Variants in CDH13 observed in about 807,000 individuals in gnomAD.
The protein encoded by CDH13 is cadherin-13.
In CDH13, 24 loss-of-function variants were observed where a neutral mutation model predicts 63.8. The ratio of observed to expected loss-of-function variants is 0.38; its 90% CI spans 0.27 to 0.53. The LOEUF is 0.53. Among genes scored for constraint, CDH13 ranks in the 20% least tolerant of loss-of-function variants. The pLI is 0.85. For synonymous variants in CDH13, 503 were observed against 355.3 expected (o/e 1.42, Z -4.67); for missense variants, 1,049 against 903.1 (o/e 1.16, Z -2.07).
At chr16:82,784,156 G>C (rs1038329437) in intron 1 of CDH13, among the ~76,000 whole-genome samples, 1 of 152,124 alleles carries the variant, frequency 6.6e-6, no homozygotes, top group African/African-American at 2.4e-5. Flanking sequence ...TTCTTATCCT[G>C]CTTACCCAAC....
At chr16:83,377,362 C>T (rs2091478613) in intron 6 of CDH13, among the ~76,000 whole-genome samples, 1 of 152,174 alleles carries the variant, frequency 6.6e-6, no homozygotes, top group African/African-American at 2.4e-5. Context: ...AAGCCTGGTC[C>T]ATCTCTTCCT....
At chr16:83,019,113 T>G (rs2151450870) in intron 2 of CDH13, among the ~76,000 whole-genome samples, 1 of 152,344 alleles carries the variant, frequency 6.6e-6, no homozygotes, top group African/African-American at 2.4e-5. Flanking sequence ...TACTGTAACT[T>G]TTTTACTTTA....
chr16:83,234,037 T>C (rs1186584238), intron 5 of CDH13, among the ~76,000 whole-genome samples: 1 of 152,186 alleles, frequency 6.6e-6, no homozygotes, highest in Non-Finnish European at 1.5e-5. Context: ...GCCAGCACAG[T>C]GTCCAAGGGG....
At chr16:83,713,868 C>T (rs974835883) in intron 10 of CDH13, among the ~76,000 whole-genome samples, 8 of 152,210 alleles carry the variant, frequency 5.3e-5, no homozygotes, top group Admixed American at 2.6e-4. Context: ...GACTGCCTTC[C>T]TCATTGTCAA....
At chr16:83,330,090 G>T (rs1597763774) in intron 5 of CDH13, among the ~76,000 whole-genome samples, 1 of 152,220 alleles carries the variant, frequency 6.6e-6, no homozygotes, top group African/African-American at 2.4e-5. Flanking sequence ...CCTTCAAATA[G>T]AAGAGATTCT....
At chr16:82,911,263 G>C (rs887644441) in intron 2 of CDH13, among the ~76,000 whole-genome samples, 3 of 152,166 alleles carry the variant, frequency 2.0e-5, no homozygotes, top group African/African-American at 7.2e-5. Flanking sequence ...AGAAACTTCT[G>C]CAAAAGAGTC....
intron 6 of CDH13, among the ~76,000 whole-genome samples, chr16:83,442,017 G>C (rs1050414809): frequency 1.3e-5 from 2 of 152,132 alleles, no homozygotes; most frequent in South Asian, 2.1e-4. Context: ...ATAAGAGCTG[G>C]GAGCGAGATG....
At chr16:83,394,391 G>A (rs774808115) in intron 6 of CDH13, among the ~76,000 whole-genome samples, 4 of 152,264 alleles carry the variant, frequency 2.6e-5, no homozygotes, top group African/African-American at 4.8e-5. Flanking sequence ...AGTGAGCCAC[G>A]TGGATAACTG....
chr16:83,485,119 TCA>T (rs1021811802), intron 6 of CDH13, among the ~76,000 whole-genome samples: 1 of 152,234 alleles, frequency 6.6e-6, no homozygotes, highest in African/African-American at 2.4e-5. Flanking sequence ...GCAAAATATC[TCA>T]GTGTGAGAAT....
intron 3 of CDH13, among the ~76,000 whole-genome samples, chr16:83,100,268 T>C (rs1213983967): frequency 1.3e-5 from 2 of 152,024 alleles, no homozygotes; most frequent in Non-Finnish European, 2.9e-5. Flanking sequence ...AAGTAAAATA[T>C]GTGGTATGAT....
intron 11 of CDH13, 74 bp downstream of exon 11, chr16:83,748,324 C>G: frequency 7.2e-7 from 1 of 1,382,122 alleles, no homozygotes. Flanking sequence ...TAAATTTCTT[C>G]TGATACACCC....
At chr16:83,237,212 C>G (rs1009894803) in intron 5 of CDH13, among the ~76,000 whole-genome samples, 2 of 152,168 alleles carry the variant, frequency 1.3e-5, no homozygotes, top group Non-Finnish European at 2.9e-5. Flanking sequence ...CAAGGGAAGG[C>G]AGAAGAGCAG....
At chr16:83,025,303 TAATA>T (rs1261610731) in intron 2 of CDH13, among the ~76,000 whole-genome samples, 2 of 152,200 alleles carry the variant, frequency 1.3e-5, no homozygotes, top group African/African-American at 4.8e-5. Context: ...CTCATGCTAC[TAATA>T]AAGACATACC....
intron 2 of CDH13, among the ~76,000 whole-genome samples, chr16:82,983,895 G>C (rs1910604162): frequency 6.6e-6 from 1 of 152,170 alleles, no homozygotes; most frequent in African/African-American, 2.4e-5. Context: ...GAAGCTTCTA[G>C]GAAGCGGGAA....
intron 11 of CDH13, among the ~76,000 whole-genome samples, chr16:83,752,915 A>G (rs1913204223): frequency 6.6e-6 from 1 of 152,220 alleles, no homozygotes; most frequent in African/African-American, 2.4e-5. Context: ...CCATGACCCA[A>G]GAAATATACA....
intron 7 of CDH13, among the ~76,000 whole-genome samples, chr16:83,521,303 G>A (rs2074829447): frequency 6.6e-6 from 1 of 151,872 alleles, no homozygotes; most frequent in African/African-American, 2.4e-5. Context: ...TGACTGTGAG[G>A]TCCTTCAAGA....
intron 6 of CDH13, among the ~76,000 whole-genome samples, chr16:83,371,527 T>C (rs1323503708): frequency 1.3e-5 from 2 of 152,252 alleles, no homozygotes; most frequent in African/African-American, 4.8e-5. Flanking sequence ...TTAGGTGGCA[T>C]AGAGGTGATC....
chr16:83,365,306 C>A (rs2091237655), intron 6 of CDH13, among the ~76,000 whole-genome samples: 1 of 152,214 alleles, frequency 6.6e-6, no homozygotes. Context: ...GCCTCTGACT[C>A]AGCTTTTTGG....
chr16:83,646,098 C>T (rs923317801), intron 8 of CDH13, among the ~76,000 whole-genome samples: 7 of 152,232 alleles, frequency 4.6e-5, no homozygotes, highest in Non-Finnish European at 8.8e-5. Context: ...CCACTGGGCC[C>T]TAGTGTGGGA....
Sources: allele counts gnomAD v4.1 joint callset (sites outside exome capture counted in the v4.1 genomes callset), GRCh38; gene constraint gnomAD v4.1.1; transcripts MANE v1.5; gene names NCBI Gene and HGNC (gene_info 2026-07-23, HGNC 2026-07-21).